GALNT14: variants seen among roughly 807,000 people sequenced by gnomAD.
GALNT14 encodes the protein polypeptide N-acetylgalactosaminyltransferase 14, also known as UDP-GalNAc:polypeptide N-acetylgalactosaminyltransferase 14.
A neutral mutation model predicts 77.5 loss-of-function variants in GALNT14; 60 were observed. The ratio of observed to expected loss-of-function variants is 0.77; its 90% CI spans 0.63 to 0.96. The LOEUF (loss-of-function observed/expected upper bound fraction) is 0.96, where lower values mean the gene tolerates loss of function less well. GALNT14 is among the 40% of genes least tolerant of loss of function. GALNT14 has a pLI of 0.00. For synonymous variants in GALNT14, 280 were observed against 281.7 expected, an observed-to-expected ratio of 0.99 and a Z score of 0.06; for missense variants, 710 against 731.0, an observed-to-expected ratio of 0.97 and a Z score of 0.33.
At chr2:31,114,807 G>T (rs1475941089) in intron 1 of GALNT14, 1 of 717,576 alleles carries the variant, frequency 1.4e-6, no homozygotes, top group Admixed American at 2.0e-5. Flanking sequence ...CATGGGAAAT[G>T]ACATACAGCA....
intron 1 of GALNT14, among the ~76,000 whole-genome samples, chr2:31,028,449 G>A (rs779486754): frequency 6.6e-6 from 1 of 152,252 alleles, no homozygotes; most frequent in African/African-American, 2.4e-5. Context: ...GCTGGGATGA[G>A]AGCATCAAGA....
chr2:30,958,581 G>T lies in GALNT14; in HGVS notation c.399-117C>A, dbSNP rs79292706. The T allele has an allele frequency of 4.5e-4, 342 of 760,014 alleles. 1 individual carries two copies. The African/African-American group carries it at 5.4e-3, about 12-fold the overall frequency. 47.1% of individuals were successfully genotyped at this position (760,014 alleles called of 1,614,324 possible). ...AGGAATGAAAAATCAGAGCACCAAC[G>T]GGCTTGTCCAGTCATATTGCTTATC... is the stretch of plus-strand genomic sequence containing the variant. On this transcript the variant is annotated intron_variant, in intron 3 of 14. Transcript: ENST00000349752.
intron 6 of GALNT14, among the ~76,000 whole-genome samples, chr2:30,951,213 T>C (rs188592857): frequency 1.3e-5 from 2 of 152,344 alleles, no homozygotes; most frequent in Admixed American, 1.3e-4. Context: ...ACACATGCCA[T>C]GGAATAGTAT....
At chr2:30,904,334 C>T in the GALNT14 span, among the ~76,000 whole-genome samples, 7 of 152,148 alleles carry the variant, frequency 4.6e-5, no homozygotes, top group South Asian at 2.1e-4. Flanking sequence ...AGACAGTGGG[C>T]GCAGGTCAGT....
chr2:31,087,241 A>G (rs1028115731), intron 1 of GALNT14, among the ~76,000 whole-genome samples: 3 of 152,188 alleles, frequency 2.0e-5, no homozygotes, highest in Non-Finnish European at 4.4e-5. Flanking sequence ...GGATGAAGAC[A>G]TAGGGGGCAA....
intron 1 of GALNT14, among the ~76,000 whole-genome samples, chr2:31,120,586 T>C (rs1678359236): frequency 6.6e-6 from 1 of 152,136 alleles, no homozygotes; most frequent in African/African-American, 2.4e-5. Context: ...AGACAGAGTC[T>C]CACTCTGTCG....
At chr2:31,137,422 G>C in intron 1 of GALNT14, among the ~76,000 whole-genome samples, 1 of 152,362 alleles carries the variant, frequency 6.6e-6, no homozygotes, top group African/African-American at 2.4e-5. Context: ...GCAGCTGAGA[G>C]GGTCGGGAAC....
intron 9 of GALNT14, among the ~76,000 whole-genome samples, chr2:30,941,287 C>G (rs1666364030): frequency 6.6e-6 from 1 of 152,208 alleles, no homozygotes; most frequent in Non-Finnish European, 1.5e-5. Flanking sequence ...CTGGCAGCCA[C>G]TATGCTAAGC....
At chr2:31,107,050 G>C (rs1425676476) in intron 1 of GALNT14, among the ~76,000 whole-genome samples, 3 of 152,198 alleles carry the variant, frequency 2.0e-5, no homozygotes, top group African/African-American at 7.2e-5. Flanking sequence ...AAAAATATTT[G>C]TGTGCTTTCC....
chr2:30,958,581 G>A (rs79292706), intron 3 of GALNT14, 117 bp from the exon 4 acceptor site: 15 of 759,896 alleles, frequency 2.0e-5, no homozygotes, highest in East Asian at 1.1e-4. Context: ...GAGCACCAAC[G>A]GGCTTGTCCA....
intron 2 of GALNT14, among the ~76,000 whole-genome samples, chr2:30,970,716 C>A (rs1668296575): frequency 6.6e-6 from 1 of 152,100 alleles, no homozygotes; most frequent in African/African-American, 2.4e-5. Flanking sequence ...GAGTAAAGAA[C>A]AGGGCTGTAC....
chr2:30,923,719 A>G (rs995014746), intron 13 of GALNT14, among the ~76,000 whole-genome samples: 2 of 152,166 alleles, frequency 1.3e-5, no homozygotes, highest in Non-Finnish European at 2.9e-5. Flanking sequence ...CCTGTCCCAG[A>G]AGGCAGTGTC....
intron 2 of GALNT14, among the ~76,000 whole-genome samples, chr2:30,989,078 GCTT>G (rs1669496457): frequency 6.6e-6 from 1 of 152,134 alleles, no homozygotes; most frequent in African/African-American, 2.4e-5. Context: ...TTTAAGAAGC[GCTT>G]ACCTAGAGCA....
At chr2:30,933,242 T>A (rs1161445051) in intron 9 of GALNT14, among the ~76,000 whole-genome samples, 1 of 152,188 alleles carries the variant, frequency 6.6e-6, no homozygotes, top group Non-Finnish European at 1.5e-5. Flanking sequence ...GAGGGCAGGC[T>A]GCTTCCTGCA....
chr2:31,039,206 G>A (rs1672946430), intron 1 of GALNT14, among the ~76,000 whole-genome samples: 1 of 152,192 alleles, frequency 6.6e-6, no homozygotes, highest in Non-Finnish European at 1.5e-5. Context: ...TTCTGGAAGT[G>A]TTACAATCAC....
chr2:30,946,667 T>C (rs1666716522), intron 6 of GALNT14, among the ~76,000 whole-genome samples: 1 of 152,174 alleles, frequency 6.6e-6, no homozygotes, highest in Non-Finnish European at 1.5e-5. Flanking sequence ...TTTATAGCAA[T>C]GTTAGAATGG....
At chr2:31,107,539 A>G (rs1677617850) in intron 1 of GALNT14, among the ~76,000 whole-genome samples, 1 of 152,182 alleles carries the variant, frequency 6.6e-6, no homozygotes, top group Non-Finnish European at 1.5e-5. Context: ...AGCAACAAGG[A>G]GACTGTAATG....
At chr2:31,000,170 G>T (rs1256092359) in intron 1 of GALNT14, among the ~76,000 whole-genome samples, 1 of 151,514 alleles carries the variant, frequency 6.6e-6, no homozygotes, top group Non-Finnish European at 1.5e-5. Flanking sequence ...TAGATCTGGG[G>T]TCTGTGCCAC....
intron 1 of GALNT14, among the ~76,000 whole-genome samples, chr2:30,994,031 C>G (rs940181496): frequency 6.6e-6 from 1 of 152,236 alleles, no homozygotes; most frequent in Non-Finnish European, 1.5e-5. Flanking sequence ...TGTTAGCACT[C>G]TCACCCCTGG....
Sources: allele counts gnomAD v4.1 joint callset (sites outside exome capture counted in the v4.1 genomes callset), GRCh38; gene constraint gnomAD v4.1.1; transcripts MANE v1.5; gene names NCBI Gene and HGNC (gene_info 2026-07-23, HGNC 2026-07-21).